The following NTM variants were observed in gnomAD, a reference collection of about 807,000 sequenced individuals.
NTM encodes neurotrimin.
In NTM, 13 loss-of-function variants were observed where a neutral mutation model predicts 42.1. The ratio of observed to expected loss-of-function variants is 0.31; its 90% CI spans 0.20 to 0.49. The LOEUF (loss-of-function observed/expected upper bound fraction) is 0.49, where lower values mean the gene tolerates loss of function less well. NTM is among the 20% of genes least tolerant of loss of function. The pLI, the probability that NTM is intolerant of heterozygous loss-of-function variation, is 0.99. For missense variants in NTM, 373 were observed against 452.8 expected, an observed-to-expected ratio of 0.82 and a Z score of 1.60; for synonymous variants, 187 against 179.2, an observed-to-expected ratio of 1.04 and a Z score of -0.35.
chr11:131,457,709 A>T (rs1364805248), intron 1 of NTM, among the ~76,000 whole-genome samples: 1 of 150,114 alleles, frequency 6.7e-6, no homozygotes, highest in Non-Finnish European at 1.5e-5. Context: ...AATGCACTAA[A>T]TGTTTTTGTC....
intron 1 of NTM, among the ~76,000 whole-genome samples, chr11:131,794,161 C>G (rs1158579233): frequency 1.3e-5 from 2 of 152,104 alleles, no homozygotes; most frequent in African/African-American, 4.8e-5. Flanking sequence ...ACGGTGCGTG[C>G]TGATCCTCCT....
At chr11:131,557,217 G>A (rs546304189) in intron 1 of NTM, among the ~76,000 whole-genome samples, 1 of 152,296 alleles carries the variant, frequency 6.6e-6, no homozygotes, top group African/African-American at 2.4e-5. Flanking sequence ...TGCTATGTAT[G>A]TCTCAGTGGC....
intron 2 of NTM, among the ~76,000 whole-genome samples, chr11:132,081,739 G>T (rs2059088119): frequency 6.7e-6 from 1 of 148,448 alleles, no homozygotes; most frequent in Non-Finnish European, 1.5e-5. Flanking sequence ...AAAAAAAAAA[G>T]ATAGAAGCCA....
At chr11:131,659,641 G>C (rs937461480) in intron 1 of NTM, among the ~76,000 whole-genome samples, 79 of 152,228 alleles carry the variant, frequency 5.2e-4, no homozygotes, top group African/African-American at 1.9e-3. Flanking sequence ...AATACCGTTA[G>C]GAAAAGTTTC....
chr11:131,803,256 G>A (rs2092275707), intron 1 of NTM, among the ~76,000 whole-genome samples: 2 of 151,856 alleles, frequency 1.3e-5, no homozygotes, highest in Admixed American at 1.3e-4. Flanking sequence ...TTCCTTCCCA[G>A]AAAACTCCTC....
intron 1 of NTM, among the ~76,000 whole-genome samples, chr11:131,625,409 G>T (rs531676884): frequency 1.3e-5 from 2 of 152,204 alleles, no homozygotes; most frequent in South Asian, 4.2e-4. Flanking sequence ...ATCCACAAAA[G>T]GCAATCCAGT....
chr11:131,911,219 C>T, intron 1 of NTM: 4 of 1,386,894 alleles, frequency 2.9e-6, no homozygotes, highest in Non-Finnish European at 3.7e-6. Context: ...ACCTTCCCGG[C>T]GGAAGCAGCG....
chr11:132,039,219 ATTC>A (rs1435280384), intron 2 of NTM, among the ~76,000 whole-genome samples: 1 of 152,038 alleles, frequency 6.6e-6, no homozygotes, highest in Non-Finnish European at 1.5e-5. Context: ...CCCACTCTCC[ATTC>A]TTCTTACCCT....
chr11:131,486,339 G>A (rs1039105714), intron 1 of NTM, among the ~76,000 whole-genome samples: 14 of 152,126 alleles, frequency 9.2e-5, no homozygotes, highest in Non-Finnish European at 1.3e-4. Flanking sequence ...AGTCATCTAC[G>A]GCATGCAGGA....
At chr11:131,949,411 A>C (rs540657462) in intron 2 of NTM, among the ~76,000 whole-genome samples, 3 of 152,328 alleles carry the variant, frequency 2.0e-5, no homozygotes, top group Admixed American at 6.5e-5. Context: ...TGTTTTGTTC[A>C]CTGATCCTGT....
intron 4 of NTM, among the ~76,000 whole-genome samples, chr11:132,298,003 A>G (rs2094688757): frequency 6.6e-6 from 1 of 152,198 alleles, no homozygotes; most frequent in South Asian, 2.1e-4. Flanking sequence ...CCTGCTTCCC[A>G]AGGCTGTTGG....
At chr11:132,236,351 A>G (rs1293829568) in intron 4 of NTM, among the ~76,000 whole-genome samples, 1 of 152,196 alleles carries the variant, frequency 6.6e-6, no homozygotes, top group African/African-American at 2.4e-5. Flanking sequence ...TCGTATCTAT[A>G]GAAACTAATT....
rs533932652 is a variant in NTM, at chr11:131,762,719, C to T, written c.83-148845C>T. ...TCAATTTGTTCTCCCCAATAGACTGCTCCTCTGTCTATTCCCAGACTCCCA... is the reference window on the plus strand; with the variant it reads ...TCAATTTGTTCTCCCCAATAGACTGTTCCTCTGTCTATTCCCAGACTCCCA... On this transcript the variant is annotated intron_variant, in intron 1 of 8. Transcript: ENST00000683400. 2.0e-5 allele frequency among the ~76,000 whole-genome samples: 3 copies of T among 152,354 alleles called. No individual in the cohort carries two copies. In the East Asian group the frequency reaches 5.8e-4, roughly 29 times the overall value.
At chr11:131,487,870 G>A (rs765399333) in intron 1 of NTM, among the ~76,000 whole-genome samples, 8 of 152,208 alleles carry the variant, frequency 5.3e-5, no homozygotes, top group Non-Finnish European at 1.2e-4. Context: ...GACGGAATGG[G>A]GAAGAGGACC....
chr11:131,616,564 G>A (rs1293161426), intron 1 of NTM, among the ~76,000 whole-genome samples: 1 of 152,190 alleles, frequency 6.6e-6, no homozygotes, highest in Non-Finnish European at 1.5e-5. Flanking sequence ...CAATGGCCTA[G>A]TGACTTAGAA....
intron 4 of NTM, among the ~76,000 whole-genome samples, chr11:132,215,846 G>T (rs569709587): frequency 1.3e-5 from 2 of 152,304 alleles, no homozygotes; most frequent in South Asian, 2.1e-4. Context: ...GTCTTTTCAG[G>T]AGGAAGAGCC....
intron 5 of NTM, among the ~76,000 whole-genome samples, chr11:132,309,498 C>A (rs2095213021): frequency 6.6e-6 from 1 of 152,072 alleles, no homozygotes; most frequent in South Asian, 2.1e-4. Context: ...GACTGTCAAC[C>A]CGTGGAGTGT....
intron 2 of NTM, among the ~76,000 whole-genome samples, chr11:132,076,942 A>G (rs925263223): frequency 3.9e-5 from 6 of 152,206 alleles, no homozygotes; most frequent in African/African-American, 1.2e-4. Flanking sequence ...AAAACATAAC[A>G]GAATCTTTAA....
chr11:132,307,738 C>A lies in NTM; in HGVS notation c.576C>A (p.Thr192=). The A allele has an allele frequency of 6.2e-7, 1 of 1,614,168 alleles. No individual in the cohort carries two copies. ...EDEYLEIQGI[T]REQSGDYECS... ...AATACTTGGAAATTCAGGGCATCACCAGGGAGCAGTCAGGGGACTACGAGT... is the reference window on the plus strand; with the variant it reads ...AATACTTGGAAATTCAGGGCATCACAAGGGAGCAGTCAGGGGACTACGAGT... Residue 192 remains threonine (T), a synonymous_variant, in exon 5 of 9, where the codon ACC becomes ACA. Transcript: ENST00000683400.
Sources: allele counts gnomAD v4.1 joint callset (sites outside exome capture counted in the v4.1 genomes callset), GRCh38; gene constraint gnomAD v4.1.1; transcripts MANE v1.5; gene names NCBI Gene and HGNC (gene_info 2026-07-23, HGNC 2026-07-21).